LYZL2: variants seen among roughly 807,000 people sequenced by gnomAD.
The protein encoded by LYZL2 is lysozyme like 2.
Under a neutral mutation model 17.1 loss-of-function variants are expected in LYZL2, and 13 were observed. The observed-to-expected ratio is 0.76, with a 90% CI of 0.49 to 1.21. The LOEUF (loss-of-function observed/expected upper bound fraction) is 1.21, where lower values mean the gene tolerates loss of function less well. Ranked by LOEUF, LYZL2 falls within the 50% of genes most tolerant of loss-of-function variation. The pLI is 0.00. For missense variants in LYZL2, 166 were observed against 189.2 expected, an observed-to-expected ratio of 0.88 and a Z score of 0.72; for synonymous variants, 63 against 74.4, an observed-to-expected ratio of 0.85 and a Z score of 0.79.
In LYZL2 at chr10:30,626,853, G is replaced by A. The variant is rs1838718933; in HGVS notation, c.63C>T (p.Ile21=). 1.9e-6 allele frequency: 3 copies of A among 1,614,116 alleles called. No homozygotes were observed. The highest frequency in any genetic ancestry group is 2.2e-5 in the South Asian group (2 of 91,092). The change falls in exon 2 of 5, where the codon ATC becomes ATT. Residue 21 remains isoleucine (I), a synonymous_variant. Transcript: ENST00000647634. ...TTTTTGCCAGTTTGCAACGAGTGTA[G>A]ATTTTGGACTCGGCGCCTGTGACCA... ...GCLVTGAESK[I]YTRCKLAKIF...
chr10:30,620,958 C>T (rs1838609722), intron 3 of LYZL2, among the ~76,000 whole-genome samples: 1 of 151,738 alleles, frequency 6.6e-6, no homozygotes, highest in Non-Finnish European at 1.5e-5. Flanking sequence ...AACGAGGAAC[C>T]TCAATGATGA....
intron 3 of LYZL2, among the ~76,000 whole-genome samples, chr10:30,618,226 A>G (rs1184612315): frequency 1.3e-5 from 2 of 152,354 alleles, no homozygotes; most frequent in African/African-American, 4.8e-5. Flanking sequence ...GGAAGAATCA[A>G]TATCGTGAAA....
chr10:30,608,928 T>A (rs982956402), downstream of LYZL2, among the ~76,000 whole-genome samples: 2 of 152,002 alleles, frequency 1.3e-5, no homozygotes, highest in African/African-American at 2.4e-5. Flanking sequence ...AAGCCTGAAA[T>A]TCCTGGGCTC....
intron 1 of LYZL2, among the ~76,000 whole-genome samples, chr10:30,628,227 T>G (rs1293014756): frequency 6.6e-6 from 1 of 152,212 alleles, no homozygotes; most frequent in East Asian, 1.9e-4. Context: ...ATCTTTCCTT[T>G]TCTTTTCTTG....
chr10:30,620,967 G>C (rs1055625759), intron 3 of LYZL2, among the ~76,000 whole-genome samples: 5 of 152,132 alleles, frequency 3.3e-5, no homozygotes, highest in African/African-American at 1.2e-4. Context: ...CCTCAATGAT[G>C]AATGGTACAG....
chr10:30,623,146 A>G (rs1304829168), intron 3 of LYZL2, among the ~76,000 whole-genome samples: 1 of 152,252 alleles, frequency 6.6e-6, no homozygotes, highest in Non-Finnish European at 1.5e-5. Context: ...CAAAGCTTCA[A>G]AAATGGACGA....
chr10:30,629,514 C>T, intron 1 of LYZL2, 79 bp downstream of exon 1: 13 of 1,448,844 alleles, frequency 9.0e-6, no homozygotes, highest in Admixed American at 2.0e-5. Context: ...CCCCAAGCAT[C>T]ATGTTCTACA....
intron 3 of LYZL2, among the ~76,000 whole-genome samples, chr10:30,614,092 T>G (rs1381586272): frequency 6.6e-6 from 1 of 152,218 alleles, no homozygotes; most frequent in African/African-American, 2.4e-5. Context: ...CTTTCCTGCT[T>G]GCTTAGAAGC....
intron 3 of LYZL2, among the ~76,000 whole-genome samples, chr10:30,619,186 A>G (rs376237939): frequency 0.042 from 6,407 of 152,180 alleles, 153 homozygotes; most frequent in South Asian, 0.05. Context: ...AACAGGTGCT[A>G]GAGAGGATGT....
At chr10:30,626,370 C>T (rs1838706616) in intron 2 of LYZL2, 107 bp from the exon 3 acceptor site, 10 of 1,523,468 alleles carry the variant, frequency 6.6e-6, no homozygotes, top group Non-Finnish European at 7.1e-6. Context: ...TGCTTCCTCC[C>T]AATACACCTT....
chr10:30,621,901 T>C (rs550140710), intron 3 of LYZL2, among the ~76,000 whole-genome samples: 25 of 152,282 alleles, frequency 1.6e-4, no homozygotes, highest in African/African-American at 5.3e-4. Context: ...AAGACAATTG[T>C]TTAAAGAAAA....
At chr10:30,616,205 A>AT (rs1007331419) in intron 3 of LYZL2, among the ~76,000 whole-genome samples, 19 of 148,814 alleles carry the variant, frequency 1.3e-4, no homozygotes, top group South Asian at 1.0e-3. Flanking sequence ...GTAGTGATAG[A>AT]TTTTTTTTAA....
chr10:30,606,574 A>T, the LYZL2 span, among the ~76,000 whole-genome samples: 2 of 152,130 alleles, frequency 1.3e-5, no homozygotes, highest in African/African-American at 4.8e-5. Flanking sequence ...CTTCTAACAC[A>T]GTTGCTAGTC....
chr10:30,619,871 G>A (rs979539937), intron 3 of LYZL2, among the ~76,000 whole-genome samples: 1 of 151,846 alleles, frequency 6.6e-6, no homozygotes, highest in Non-Finnish European at 1.5e-5. Flanking sequence ...AGATATTAAA[G>A]AGACAGCTCT....
intron 3 of LYZL2, among the ~76,000 whole-genome samples, chr10:30,623,220 C>T (rs7909699): frequency 0.26 from 39,167 of 151,960 alleles, 5,281 homozygotes; most frequent in South Asian, 0.36. Context: ...TATTTCTCAC[C>T]GTATAGTAGA....
intron 3 of LYZL2, among the ~76,000 whole-genome samples, chr10:30,618,248 G>C (rs1292000799): frequency 6.6e-6 from 1 of 152,132 alleles, no homozygotes; most frequent in Non-Finnish European, 1.5e-5. Flanking sequence ...TGGCCATACT[G>C]CCCAAGGTAA....
the LYZL2 span, among the ~76,000 whole-genome samples, chr10:30,606,230 G>A: frequency 6.6e-6 from 1 of 152,090 alleles, no homozygotes; most frequent in South Asian, 2.1e-4. Flanking sequence ...CTTGCTTTTT[G>A]AACATGCCTT....
At chr10:30,624,849 C>T (rs926602612) in intron 3 of LYZL2, among the ~76,000 whole-genome samples, 1 of 152,176 alleles carries the variant, frequency 6.6e-6, no homozygotes, top group Admixed American at 6.5e-5. Context: ...AGCAGAGAAT[C>T]TTGCCCAGCT....
At chr10:30,611,570 G>GGAAGGAAGGAAGGAAAGAAAGAAA (rs1491344870), downstream of LYZL2, among the ~76,000 whole-genome samples, 26 of 54,098 alleles carry the variant, frequency 4.8e-4, no homozygotes, top group Admixed American at 7.0e-4. Flanking sequence ...AAGGAAGGAA[G>GGAAGGAAGGAAGGAAAGAAAGAAA]GAAAGAAAGA....
Sources: allele counts gnomAD v4.1 joint callset (sites outside exome capture counted in the v4.1 genomes callset), GRCh38; gene constraint gnomAD v4.1.1; transcripts MANE v1.5; gene names NCBI Gene and HGNC (gene_info 2026-07-23, HGNC 2026-07-21).